Variants in TPO observed in about 807,000 individuals in gnomAD.
The protein encoded by TPO is thyroid microsomal antigen.
In TPO, 78 loss-of-function variants were observed where a neutral mutation model predicts 96.9. That is an observed-to-expected ratio of 0.81 (90% CI 0.67 to 0.97). TPO has a LOEUF of 0.97. Ranked by LOEUF, TPO falls within the 50% of genes least tolerant of loss-of-function variation. The probability of loss-of-function intolerance (pLI) is 0.00; values close to 1 mark genes in which losing one functional copy is unlikely to be tolerated. For missense variants in TPO, 1,252 were observed against 1,274.8 expected (o/e 0.98, Z 0.27); for synonymous variants, 547 against 538.0 (o/e 1.02, Z -0.23).
At chr2:1,459,757 A>G (rs1342882729) in intron 7 of TPO, among the ~76,000 whole-genome samples, 3 of 152,316 alleles carry the variant, frequency 2.0e-5, no homozygotes, top group African/African-American at 7.2e-5. Flanking sequence ...GACTGTGTCA[A>G]TCATAGAAAC....
At chr2:1,519,318 C>G (rs1675014709) in intron 15 of TPO, among the ~76,000 whole-genome samples, 1 of 152,162 alleles carries the variant, frequency 6.6e-6, no homozygotes, top group South Asian at 2.1e-4. Context: ...GCTGGTAGGC[C>G]CAGAGCAGAT....
chr2:1,425,747 T>C (rs890780482), intron 3 of TPO, among the ~76,000 whole-genome samples: 3 of 152,228 alleles, frequency 2.0e-5, no homozygotes, highest in Admixed American at 2.0e-4. Context: ...TTCTGTAAAG[T>C]CATTGTTCTA....
At chr2:1,539,648 G>A (rs1417624166) in intron 15 of TPO, among the ~76,000 whole-genome samples, 2 of 152,154 alleles carry the variant, frequency 1.3e-5, no homozygotes, top group East Asian at 3.9e-4. Flanking sequence ...CGGGGACTGC[G>A]CTCCCCAGGA....
intron 15 of TPO, among the ~76,000 whole-genome samples, chr2:1,527,452 A>G (rs1477788725): frequency 1.6e-5 from 1 of 62,278 alleles, no homozygotes; most frequent in Admixed American, 1.6e-4. Context: ...CTCCTCAAAT[A>G]CCCCACTGTG....
chr2:1,446,292 GC>G (rs993387799), intron 5 of TPO, among the ~76,000 whole-genome samples: 1 of 152,168 alleles, frequency 6.6e-6, no homozygotes, highest in African/African-American at 2.4e-5. Context: ...CCTGGGCCTG[GC>G]TTCTCCACCT....
chr2:1,540,369 G>GCTGCAAATTCTAAAATCATTTTTCC (rs1283421178), intron 15 of TPO, among the ~76,000 whole-genome samples: 2 of 152,152 alleles, frequency 1.3e-5, no homozygotes, highest in African/African-American at 4.8e-5. Context: ...GGTCCTCTTG[G>GCTGCAAATTCTAAAATCATTTTTCC]CTGCAAATTC....
At chr2:1,394,346 T>G (rs1662047517) in intron 1 of TPO, among the ~76,000 whole-genome samples, 1 of 152,334 alleles carries the variant, frequency 6.6e-6, no homozygotes, top group East Asian at 1.9e-4. Context: ...TTGACGACCA[T>G]GGAGGGTACA....
chr2:1,424,423 G>A (rs140875065), intron 3 of TPO, among the ~76,000 whole-genome samples: 122 of 152,320 alleles, frequency 8.0e-4, no homozygotes, highest in African/African-American at 2.7e-3. Flanking sequence ...ACCTTCCATC[G>A]TGACCTGACC....
At position 1,391,828 on chromosome 2, in the gene TPO, G is replaced by A. The variant is rs527692702; in HGVS notation, n.180+17426G>A. Among the ~76,000 whole-genome samples the A allele has an allele frequency of 1.2e-3, 177 of 152,268 alleles. 1 individual carries two copies. The highest frequency in any genetic ancestry group is 4.1e-3 in the African/African-American group (170 of 41,538). On this transcript the variant is annotated intron_variant and non_coding_transcript_variant, in intron 1 of 5. Transcript: ENST00000497517. The stretch of plus-strand genomic sequence containing the variant: ...TTGGCTCTCTGTTTGTCTGTTGTTG[G>A]TGTACAGGAATGCTTGTGATTTTTG...
At chr2:1,382,150 C>T (rs775152984) in intron 1 of TPO, among the ~76,000 whole-genome samples, 10 of 152,150 alleles carry the variant, frequency 6.6e-5, no homozygotes, top group East Asian at 1.9e-4. Context: ...AGGCCACCGG[C>T]GATGCCCACG....
At chr2:1,462,854 A>G (rs1363275780) in intron 7 of TPO, among the ~76,000 whole-genome samples, 1 of 152,198 alleles carries the variant, frequency 6.6e-6, no homozygotes, top group Non-Finnish European at 1.5e-5. Flanking sequence ...AAAACTTTAA[A>G]CGTTGATCAC....
At chr2:1,493,664 A>G in intron 10 of TPO, 138 bp from the exon 11 acceptor site, 1 of 992,180 alleles carries the variant, frequency 1.0e-6, no homozygotes, top group Non-Finnish European at 1.5e-6. Context: ...AGCCTGGCAA[A>G]CTGCCAGGCA....
intron 3 of TPO, 67 bp from the exon 4 acceptor site, chr2:1,433,371 T>C (rs1379709268): frequency 6.3e-7 from 1 of 1,584,790 alleles, no homozygotes; most frequent in Admixed American, 1.7e-5. Context: ...GCTTAATTAA[T>C]TAGTAATTAA....
intron 4 of TPO, among the ~76,000 whole-genome samples, chr2:1,434,128 TA>T (rs1665314504): frequency 6.6e-6 from 1 of 152,146 alleles, no homozygotes; most frequent in Non-Finnish European, 1.5e-5. Flanking sequence ...GACCAGTGCA[TA>T]AACCAGGAGC....
At chr2:1,526,017 T>C (rs1413952551) in intron 15 of TPO, among the ~76,000 whole-genome samples, 55 of 34,708 alleles carry the variant, frequency 1.6e-3, no homozygotes, top group East Asian at 2.9e-3. Context: ...GTGTGCAACC[T>C]CCCCAAATCC....
At chr2:1,486,963 G>A (rs28911477) in intron 9 of TPO, among the ~76,000 whole-genome samples, 2 of 152,216 alleles carry the variant, frequency 1.3e-5, no homozygotes, top group African/African-American at 2.4e-5. Context: ...GATGCATGTC[G>A]TGATTTCTAA....
chr2:1,540,799 G>A, intron 16 of TPO, 76 bp downstream of exon 16: 3 of 1,611,330 alleles, frequency 1.9e-6, no homozygotes, highest in Non-Finnish European at 2.5e-6. Context: ...GAGCAGCTCT[G>A]CTGGGGCTCC....
intron 7 of TPO, among the ~76,000 whole-genome samples, chr2:1,473,427 G>T (rs557757214): frequency 6.6e-6 from 1 of 152,102 alleles, no homozygotes; most frequent in Non-Finnish European, 1.5e-5. Context: ...TGACAATACC[G>T]TGTGGACTTG....
chr2:1,477,151 C>T lies in TPO; in HGVS notation c.885C>T (p.Ala295=). ...ACLPFYRSSA[A]CGTGDQGALF... ...TGCCCTTCTACCGCTCTTCGGCCGC[C>T]TGCGGCACCGGGGACCAAGGCGCGC... The change falls in exon 8 of 17, where the codon GCC becomes GCT. Residue 295 remains alanine (A), a synonymous_variant. Coordinates refer to ENST00000329066, the MANE Select transcript of TPO (RefSeq NM_001206744.2). 1.9e-6 allele frequency: 3 copies of T among 1,610,554 alleles called. No individual in the cohort carries two copies. The highest frequency in any genetic ancestry group is 2.5e-6 in the Non-Finnish European group (3 of 1,179,228).
Sources: gnomAD v4.1 joint callset for allele counts (sites outside exome capture counted in the v4.1 genomes callset) on GRCh38, gnomAD v4.1.1 for gene constraint, MANE v1.5 for transcripts, NCBI Gene and HGNC (gene_info 2026-07-23, HGNC 2026-07-21) for gene names.